Variants in MAML2 observed in about 807,000 individuals in gnomAD.
MAML2 encodes mastermind-like protein 2.
MAML2 carries 22 observed loss-of-function variants against 96.1 expected under a neutral mutation model. The observed-to-expected ratio is 0.23, with a 90% CI of 0.16 to 0.33. MAML2 has a LOEUF of 0.33. Ranked by LOEUF, MAML2 falls within the 10% of genes least tolerant of loss-of-function variation. The pLI, the probability that MAML2 is intolerant of heterozygous loss-of-function variation, is 1.00. For missense variants in MAML2, 1,367 were observed against 1,392.4 expected (o/e 0.98, Z 0.29); for synonymous variants, 561 against 521.3 (o/e 1.08, Z -1.04).
chr11:96,249,793 C>G (rs1395971626), intron 1 of MAML2, among the ~76,000 whole-genome samples: 1 of 152,162 alleles, frequency 6.6e-6, no homozygotes, highest in Non-Finnish European at 1.5e-5. Flanking sequence ...AACTATGCAA[C>G]ATATCTCCAT....
chr11:96,019,673 GATAATAATAATTATAATAATAATA>G (rs1858406546), intron 2 of MAML2, among the ~76,000 whole-genome samples: 4 of 12,444 alleles, frequency 3.2e-4, no homozygotes, highest in African/African-American at 1.2e-3. Flanking sequence ...GCCAAGGGCT[GATAATAATAATTATAATAATAATA>G]ATAATAATAA....
chr11:96,114,066 C>G (rs2135836005), intron 1 of MAML2, among the ~76,000 whole-genome samples: 1 of 151,990 alleles, frequency 6.6e-6, no homozygotes, highest in South Asian at 2.1e-4. Flanking sequence ...TTTTAAACAT[C>G]TAATTTAATT....
At chr11:96,216,786 G>A (rs1437943650) in intron 1 of MAML2, among the ~76,000 whole-genome samples, 1 of 152,212 alleles carries the variant, frequency 6.6e-6, no homozygotes, top group Non-Finnish European at 1.5e-5. Context: ...CACAGAGGGT[G>A]TGAATTCAGG....
At chr11:96,004,449 A>T (rs1438480940) in intron 2 of MAML2, among the ~76,000 whole-genome samples, 1 of 89,220 alleles carries the variant, frequency 1.1e-5, no homozygotes, top group Admixed American at 1.1e-4. Context: ...TTTGGGAATA[A>T]AAAAAACCCA....
At chr11:96,301,563 C>T (rs1863387923) in intron 1 of MAML2, among the ~76,000 whole-genome samples, 1 of 152,336 alleles carries the variant, frequency 6.6e-6, no homozygotes, top group South Asian at 2.1e-4. Flanking sequence ...TCTTGTTACC[C>T]TGTAGATGGC....
chr11:96,271,685 G>A (rs1341926316), intron 1 of MAML2, among the ~76,000 whole-genome samples: 2 of 151,972 alleles, frequency 1.3e-5, no homozygotes, highest in Non-Finnish European at 2.9e-5. Flanking sequence ...TAAGTTCCCT[G>A]AGGCCTCCTC....
intron 1 of MAML2, among the ~76,000 whole-genome samples, chr11:96,096,410 C>T (rs1173333535): frequency 6.6e-6 from 1 of 152,218 alleles, no homozygotes; most frequent in Non-Finnish European, 1.5e-5. Context: ...TCACAACTCT[C>T]AGAATCTTCA....
intron 1 of MAML2, among the ~76,000 whole-genome samples, chr11:96,244,289 G>A (rs1862482994): frequency 6.6e-6 from 1 of 152,182 alleles, no homozygotes; most frequent in South Asian, 2.1e-4. Context: ...AATAAGACAA[G>A]GTGCTTAATA....
chr11:95,995,819 T>C (rs1206626554), intron 2 of MAML2, among the ~76,000 whole-genome samples: 3 of 152,182 alleles, frequency 2.0e-5, no homozygotes, highest in Non-Finnish European at 4.4e-5. Flanking sequence ...GCCTGGTCCA[T>C]GTAGGCCATC....
intron 1 of MAML2, among the ~76,000 whole-genome samples, chr11:96,294,476 T>C (rs1182616423): frequency 6.6e-6 from 1 of 152,228 alleles, no homozygotes; most frequent in Non-Finnish European, 1.5e-5. Flanking sequence ...TCACCAGTTG[T>C]AGCTAAATGA....
chr11:96,242,512 G>A (rs1416268055), intron 1 of MAML2, among the ~76,000 whole-genome samples: 5 of 152,238 alleles, frequency 3.3e-5, no homozygotes, highest in African/African-American at 1.2e-4. Context: ...ATAAAAGGGG[G>A]AAAACATTTT....
chr11:96,164,953 C>T (rs1861168727), intron 1 of MAML2, among the ~76,000 whole-genome samples: 1 of 152,076 alleles, frequency 6.6e-6, no homozygotes, highest in Admixed American at 6.6e-5. Context: ...CTTTCAAGGG[C>T]AAGAACTTTC....
At chr11:96,227,078 G>A (rs890588726) in intron 1 of MAML2, among the ~76,000 whole-genome samples, 2 of 152,010 alleles carry the variant, frequency 1.3e-5, no homozygotes, top group Admixed American at 1.3e-4. Context: ...CTCCTACCTC[G>A]GGGCCCTTGT....
At chr11:96,201,836 G>A (rs1003491074) in intron 1 of MAML2, among the ~76,000 whole-genome samples, 7 of 151,706 alleles carry the variant, frequency 4.6e-5, no homozygotes, top group Admixed American at 1.3e-4. Context: ...GGAGAGTGGC[G>A]TGAACCTGGG....
intron 1 of MAML2, among the ~76,000 whole-genome samples, chr11:96,103,904 A>C (rs1051841740): frequency 6.6e-6 from 1 of 152,228 alleles, no homozygotes; most frequent in Non-Finnish European, 1.5e-5. Context: ...AGAACACAAA[A>C]GATCATTTCC....
chr11:96,035,797 C>T (rs1353988316), intron 2 of MAML2, among the ~76,000 whole-genome samples: 2 of 152,156 alleles, frequency 1.3e-5, no homozygotes, highest in Non-Finnish European at 2.9e-5. Flanking sequence ...AACAGTGCCT[C>T]ACACACAGAG....
At chr11:95,987,025 T>C (rs779093133) in intron 3 of MAML2, among the ~76,000 whole-genome samples, 4 of 152,170 alleles carry the variant, frequency 2.6e-5, no homozygotes, top group Non-Finnish European at 5.9e-5. Context: ...GGTGTCTCAG[T>C]AGGAGAATGT....
intron 1 of MAML2, among the ~76,000 whole-genome samples, chr11:96,308,204 A>G (rs7927927): frequency 0.032 from 4,843 of 152,256 alleles, 251 homozygotes; most frequent in African/African-American, 0.11. Context: ...TCCATGTAAT[A>G]AAGAATATAA....
chr11:96,300,224 T>A (rs542927363), intron 1 of MAML2, among the ~76,000 whole-genome samples: 2 of 152,246 alleles, frequency 1.3e-5, no homozygotes, highest in East Asian at 3.9e-4. Flanking sequence ...CTAATGAAAC[T>A]GGGATGTCAT....
Sources: allele counts gnomAD v4.1 joint callset (sites outside exome capture counted in the v4.1 genomes callset), GRCh38; gene constraint gnomAD v4.1.1; transcripts MANE v1.5; gene names NCBI Gene and HGNC (gene_info 2026-07-23, HGNC 2026-07-21).